SLC36A1: variants seen among roughly 807,000 people sequenced by gnomAD.
SLC36A1 encodes the protein proton-coupled amino acid transporter 1.
Under a neutral mutation model 47.5 loss-of-function variants are expected in SLC36A1, and 30 were observed. The ratio of observed to expected loss-of-function variants is 0.63; its 90% CI spans 0.47 to 0.86. The LOEUF is 0.86. Among genes scored for constraint, SLC36A1 ranks in the 40% least tolerant of loss-of-function variants. The probability of loss-of-function intolerance (pLI) is 0.00; values close to 1 mark genes in which losing one functional copy is unlikely to be tolerated. For missense variants in SLC36A1, 517 were observed against 606.0 expected (o/e 0.85, Z 1.54); for synonymous variants, 255 against 249.7 (o/e 1.02, Z -0.20).
chr5:151,480,296 T>A (rs547665046), intron 10 of SLC36A1, among the ~76,000 whole-genome samples: 273 of 152,290 alleles, frequency 1.8e-3, no homozygotes, highest in Middle Eastern at 6.8e-3. Context: ...TTTTTTCTCT[T>A]TTTAGGTTTT....
the SLC36A1 span, among the ~76,000 whole-genome samples, chr5:151,431,790 C>G: frequency 3.2e-3 from 487 of 152,248 alleles, 2 homozygotes; most frequent in African/African-American, 0.011. Flanking sequence ...TATAAATTAC[C>G]CAGTCTCGAG....
At chr5:151,426,362 G>A in the SLC36A1 span, among the ~76,000 whole-genome samples, 1 of 152,028 alleles carries the variant, frequency 6.6e-6, no homozygotes, top group Non-Finnish European at 1.5e-5. Flanking sequence ...TCTCGGTGAG[G>A]GGGATGTAGC....
At chr5:151,363,985 A>G in the SLC36A1 span, among the ~76,000 whole-genome samples, 13 of 152,244 alleles carry the variant, frequency 8.5e-5, no homozygotes, top group African/African-American at 2.9e-4. Context: ...CAAAATTATT[A>G]CAACAGTATA....
At chr5:151,467,061 T>C in intron 5 of SLC36A1, 138 bp from the exon 6 acceptor site, 1 of 658,308 alleles carries the variant, frequency 1.5e-6, no homozygotes, top group Non-Finnish European at 2.7e-6. Flanking sequence ...ACTACCACTA[T>C]GCAGTATATC....
chr5:151,512,507 T>C, the SLC36A1 span: 1 of 1,614,128 alleles, frequency 6.2e-7, no homozygotes, highest in Non-Finnish European at 8.5e-7. This position sits in a 1 kb window ranked among gnomAD's most constrained non-coding sequence, Gnocchi z 4.1. Context: ...TCCACCAGGA[T>C]GGAGTGCCAC....
At chr5:151,549,887 T>G in the SLC36A1 span, among the ~76,000 whole-genome samples, 447 of 152,328 alleles carry the variant, frequency 2.9e-3, 3 homozygotes, top group Middle Eastern at 0.017. Context: ...GTCAAACAGT[T>G]TTCTTTGTTG....
chr5:151,353,044 G>A, the SLC36A1 span, among the ~76,000 whole-genome samples: 1 of 152,248 alleles, frequency 6.6e-6, no homozygotes, highest in Non-Finnish European at 1.5e-5. Flanking sequence ...CAGGTGAAAG[G>A]AGGGGAGGAG....
the SLC36A1 span, chr5:151,382,239 G>C: frequency 7.6e-7 from 1 of 1,321,246 alleles, no homozygotes; most frequent in South Asian, 1.2e-5. Flanking sequence ...GTCACTCATC[G>C]AGACTCACTA....
At chr5:151,507,171 C>G in the SLC36A1 span, 1 of 1,590,406 alleles carries the variant, frequency 6.3e-7, no homozygotes, top group African/African-American at 1.3e-5. Context: ...CTCGCTGGAC[C>G]AGGTTCTCTT....
the SLC36A1 span, among the ~76,000 whole-genome samples, chr5:151,394,410 G>A: frequency 1.3e-5 from 2 of 152,236 alleles, no homozygotes; most frequent in African/African-American, 2.4e-5. Flanking sequence ...ACTCGTCAAA[G>A]TCATTCTCCG....
chr5:151,420,874 C>CT, the SLC36A1 span, among the ~76,000 whole-genome samples: 2 of 143,862 alleles, frequency 1.4e-5, no homozygotes, highest in Non-Finnish European at 3.0e-5. Context: ...CTTTCTCTTT[C>CT]TTTCTTTTTT....
the SLC36A1 span, among the ~76,000 whole-genome samples, chr5:151,371,676 TG>T: frequency 6.6e-6 from 1 of 152,236 alleles, no homozygotes; most frequent in African/African-American, 2.4e-5. Flanking sequence ...AGAAAAAGGA[TG>T]TGTAACAAGG....
Position 151,476,772 on chromosome 5 carries a change from A to T in SLC36A1, c.989+16A>T, listed in dbSNP as rs1183545253. ...CCAACTGCTGGTACGTGGAGGGAGG[A>T]TGGAAACCTAGGAGCACTGGATATT... On this transcript the variant is annotated intron_variant, in intron 9 of 10. Transcript: ENST00000243389. 1 of 1,610,268 alleles carries T rather than the reference A, an allele frequency of 6.2e-7. No individual in the cohort carries two copies. The highest frequency in any genetic ancestry group is 1.3e-5 in the African/African-American group (1 of 74,802).
the SLC36A1 span, among the ~76,000 whole-genome samples, chr5:151,362,516 G>T: frequency 6.7e-6 from 1 of 150,104 alleles, no homozygotes; most frequent in African/African-American, 2.5e-5. Flanking sequence ...TCAGCCTCCC[G>T]AATAGCTGGG....
At chr5:151,392,670 A>G in the SLC36A1 span, among the ~76,000 whole-genome samples, 2 of 152,198 alleles carry the variant, frequency 1.3e-5, no homozygotes, top group African/African-American at 4.8e-5. Context: ...CCCAGTAGTC[A>G]TTCAGGAGCA....
the SLC36A1 span, among the ~76,000 whole-genome samples, chr5:151,513,272 A>G: frequency 6.6e-6 from 1 of 152,334 alleles, no homozygotes; most frequent in East Asian, 1.9e-4. Context: ...TTTTTCATAA[A>G]AATATATAAA....
At chr5:151,432,362 C>T (rs58703736), upstream of SLC36A1, among the ~76,000 whole-genome samples, 35,238 of 151,990 alleles carry the variant, frequency 0.23, 4,411 homozygotes, top group African/African-American at 0.31. Flanking sequence ...CCTTGCATTG[C>T]ACTGTCTTCC....
chr5:151,367,199 G>A, the SLC36A1 span, among the ~76,000 whole-genome samples: 11 of 152,134 alleles, frequency 7.2e-5, no homozygotes, highest in African/African-American at 2.4e-4. Flanking sequence ...GGGTCTGAGA[G>A]CAGAGAACTG....
the SLC36A1 span, among the ~76,000 whole-genome samples, chr5:151,384,702 C>T: frequency 6.6e-6 from 1 of 152,116 alleles, no homozygotes; most frequent in South Asian, 2.1e-4. Flanking sequence ...CTTCGGAGAT[C>T]GGGCACTCAC....
Sources: gnomAD v4.1 joint callset for allele counts (sites outside exome capture counted in the v4.1 genomes callset) on GRCh38, gnomAD v4.1.1 for gene constraint, Gnocchi (gnomAD v3.1) non-coding constraint, MANE v1.5 for transcripts, NCBI Gene and HGNC (gene_info 2026-07-23, HGNC 2026-07-21) for gene names.